Variants in ST7 observed in about 807,000 individuals in gnomAD.
The protein encoded by ST7 is suppressor of tumorigenicity 7 protein.
In ST7, 28 loss-of-function variants were observed where a neutral mutation model predicts 78.7. The observed-to-expected ratio is 0.36, with a 90% CI of 0.26 to 0.49. ST7 has a LOEUF of 0.49. ST7 is among the 20% of genes least tolerant of loss of function. The pLI, the probability that ST7 is intolerant of heterozygous loss-of-function variation, is 0.99. For missense variants in ST7, 418 were observed against 696.0 expected, an observed-to-expected ratio of 0.60 and a Z score of 4.49; for synonymous variants, 247 against 249.6, an observed-to-expected ratio of 0.99 and a Z score of 0.10.
chr7:117,129,918 G>C (rs748015443), intron 4 of ST7, 71 bp downstream of exon 4: 4 of 1,323,668 alleles, frequency 3.0e-6, no homozygotes, highest in Non-Finnish European at 4.3e-6. Flanking sequence ...AAATGTTTTT[G>C]CTGGTTCATT....
At chr7:117,216,508 A>G (rs963352215) in intron 13 of ST7, among the ~76,000 whole-genome samples, 1 of 152,124 alleles carries the variant, frequency 6.6e-6, no homozygotes, top group Non-Finnish European at 1.5e-5. Flanking sequence ...TGTGTTTTTA[A>G]TACTTAGATT....
chr7:117,197,693 G>A (rs1810446828), intron 12 of ST7, among the ~76,000 whole-genome samples: 1 of 152,166 alleles, frequency 6.6e-6, no homozygotes, highest in Admixed American at 6.5e-5. Context: ...TACTAGTTTG[G>A]TAGAACATTG....
chr7:117,109,238 A>G (rs1309950519), intron 2 of ST7, among the ~76,000 whole-genome samples: 4 of 152,216 alleles, frequency 2.6e-5, no homozygotes, highest in Admixed American at 6.5e-5. Flanking sequence ...GGTTTGTCAG[A>G]GATGGCTTTT....
intron 9 of ST7, among the ~76,000 whole-genome samples, chr7:117,139,342 G>A (rs1805071566): frequency 6.6e-6 from 1 of 152,076 alleles, no homozygotes; most frequent in Non-Finnish European, 1.5e-5. Flanking sequence ...GAATTAGAAG[G>A]CATACATAAC....
At chr7:117,117,996 A>G (rs1230477975) in intron 2 of ST7, 2 of 152,182 alleles carry the variant, frequency 1.3e-5, no homozygotes, top group Non-Finnish European at 2.9e-5. Context: ...AGTCATTCCA[A>G]ATGTTACAGA....
chr7:116,988,474 T>C (rs1300327221), intron 1 of ST7, among the ~76,000 whole-genome samples: 2 of 152,232 alleles, frequency 1.3e-5, no homozygotes, highest in Admixed American at 6.5e-5. Context: ...TCCTTTAACA[T>C]TGTTATATAC....
intron 12 of ST7, among the ~76,000 whole-genome samples, chr7:117,207,038 C>T (rs1257723574): frequency 2.0e-5 from 3 of 152,132 alleles, no homozygotes; most frequent in Non-Finnish European, 2.9e-5. Context: ...TAGAAACTGT[C>T]GTATTGAAAA....
At chr7:117,159,099 T>A (rs1806928491) in intron 9 of ST7, among the ~76,000 whole-genome samples, 1 of 152,224 alleles carries the variant, frequency 6.6e-6, no homozygotes. Context: ...CTTAAATAGA[T>A]ACAAATCAAA....
intron 10 of ST7, among the ~76,000 whole-genome samples, chr7:117,180,654 G>A (rs1808682872): frequency 6.6e-6 from 1 of 152,074 alleles, no homozygotes; most frequent in Non-Finnish European, 1.5e-5. Context: ...GCTCTTTTTT[G>A]TTGTTTTTGT....
Position 117,131,922 on chromosome 7 carries a change from T to G in ST7, c.603T>G (p.Ala201=). Residue 201 remains alanine, a synonymous_variant, in exon 6 of 16, where the codon GCT becomes GCG. Transcript: ENST00000323984. Reference sequence around the variant, plus strand: ...CCTGGAGAGAGAGAAACCCCCAAGCTAGGATTTCTGCAGCTCATGAAGCCT... The same window carrying G: ...CCTGGAGAGAGAGAAACCCCCAAGCGAGGATTTCTGCAGCTCATGAAGCCT... The part of the protein sequence containing the change: ...QKAWRERNPQ[A]RISAAHEALE... 1.2e-6 allele frequency: 2 copies of G among 1,611,462 alleles called. No homozygotes were observed. The highest frequency in any genetic ancestry group is 1.7e-6 in the Non-Finnish European group (2 of 1,178,240).
chr7:117,109,852 G>A (rs796742812), intron 2 of ST7, among the ~76,000 whole-genome samples: 13 of 152,296 alleles, frequency 8.5e-5, no homozygotes, highest in African/African-American at 3.1e-4. Context: ...CCATGAACAA[G>A]TGGGTTTCAT....
At position 117,119,614 on chromosome 7, in the gene ST7, C is replaced by T; in HGVS notation, c.288C>T (p.Val96=). The T allele has an allele frequency of 6.2e-7, 1 of 1,613,622 alleles. No individual in the cohort carries two copies. The highest frequency in any genetic ancestry group is 8.5e-7 in the Non-Finnish European group (1 of 1,179,940). ...RKYGTSFIEQ[V]SVSHLRPLLG... ...ACGGAACTTCATTCATTGAACAAGT[C>T]TCAGTAAGCCACTTGCGCCCCCTTC... The change falls in exon 3 of 16, where the codon GTC becomes GTT. Residue 96 remains valine (V), a synonymous_variant. Coordinates refer to ENST00000323984, the MANE Select transcript of ST7 (RefSeq NM_001369598.1).
chr7:117,116,318 T>G (rs902945330), intron 2 of ST7, among the ~76,000 whole-genome samples: 12 of 152,220 alleles, frequency 7.9e-5, no homozygotes, highest in Admixed American at 3.9e-4. Context: ...GTCCAAGAAG[T>G]GCTTTTAAAA....
chr7:117,152,177 CTATATATATATATATATA>C (rs58892731), intron 9 of ST7, among the ~76,000 whole-genome samples: 3,247 of 66,816 alleles, frequency 0.049, 219 homozygotes, highest in African/African-American at 0.15. Context: ...TATATAAAAA[CTATATATATATATATATA>C]TATATATATA....
In ST7 at chr7:117,102,482, C is replaced by T. The variant is rs141156161; in HGVS notation, c.234+2638C>T. 2.6e-3 allele frequency among the ~76,000 whole-genome samples: 397 copies of T among 152,042 alleles called. 4 individuals carry two copies. Among genetic ancestry groups the T allele is most frequent in the African/African-American group, 9.1e-3 (379 of 41,456 alleles). On this transcript the variant is annotated intron_variant, in intron 2 of 15. Transcript: ENST00000323984. ...ATTATCTAAGAGAGGATTTGGTGGA[C>T]GGAAGCCAGCAGAAACTGTTTTGCT...
intron 1 of ST7, among the ~76,000 whole-genome samples, chr7:116,989,669 A>G (rs1794340031): frequency 6.6e-6 from 1 of 151,832 alleles, no homozygotes; most frequent in South Asian, 2.1e-4. Context: ...TGAGACCCCC[A>G]TCTCTAAAAA....
At chr7:116,991,147 G>T (rs1313612834) in intron 1 of ST7, among the ~76,000 whole-genome samples, 2 of 152,160 alleles carry the variant, frequency 1.3e-5, no homozygotes, top group East Asian at 3.8e-4. Flanking sequence ...TATTTGGGTG[G>T]TTTCCAGTTG....
intron 15 of ST7, among the ~76,000 whole-genome samples, chr7:117,229,376 G>T (rs1793645914): frequency 6.6e-6 from 1 of 152,240 alleles, no homozygotes; most frequent in African/African-American, 2.4e-5. Flanking sequence ...TAGATGAGCA[G>T]CTGGTCTAAG....
intron 1 of ST7, among the ~76,000 whole-genome samples, chr7:117,066,117 T>TC (rs1491113684): frequency 2.0e-5 from 3 of 152,238 alleles, no homozygotes; most frequent in African/African-American, 7.2e-5. Flanking sequence ...TCATGTTTTT[T>TC]CTCTCTCCTG....
Sources: allele counts gnomAD v4.1 joint callset (sites outside exome capture counted in the v4.1 genomes callset), GRCh38; gene constraint gnomAD v4.1.1; transcripts MANE v1.5; gene names NCBI Gene and HGNC (gene_info 2026-07-23, HGNC 2026-07-21).